The following NEB variants were observed in gnomAD, a reference collection of about 807,000 sequenced individuals.
NEB encodes nemaline myopathy type 2.
A neutral mutation model predicts 952.2 loss-of-function variants in NEB; 512 were observed. The observed-to-expected ratio is 0.54, with a 90% confidence interval of 0.50 to 0.58. The LOEUF is 0.58. Ranked by LOEUF, NEB falls within the 20% of genes least tolerant of loss-of-function variation. The probability of loss-of-function intolerance (pLI) is 0.00; values close to 1 mark genes in which losing one functional copy is unlikely to be tolerated. For missense variants in NEB, 8,428 were observed against 9,231.1 expected (o/e 0.91, Z 3.56); for synonymous variants, 2,900 against 3,149.8 (o/e 0.92, Z 2.66).
chr2:151,687,292 A>G lies in NEB; in HGVS notation c.2637+127T>C, dbSNP rs538650358. Reference sequence around the variant, plus strand: ...AGGGCATCATTCTGAAGTTCTCTACAGCAGTACTTTTGTGAATGTGATGTG... The same window carrying G: ...AGGGCATCATTCTGAAGTTCTCTACGGCAGTACTTTTGTGAATGTGATGTG... On this transcript the variant is annotated intron_variant, in intron 27 of 181. Transcript: ENST00000397345. 135 of 772,268 alleles carry G rather than the reference A, an allele frequency of 1.7e-4. No homozygotes were observed. In the African/African-American group the frequency reaches 1.9e-3, roughly 11 times the overall value. The allele number at this position is 772,268 out of a possible 1,614,324, so 47.8% of individuals were successfully genotyped here. A position where few individuals can be genotyped will look rare whatever the true frequency, so the allele number is the denominator to read the frequency against.
intron 134 of NEB, 77 bp downstream of exon 134, chr2:151,546,268 G>T: frequency 8.6e-7 from 1 of 1,157,672 alleles, no homozygotes; most frequent in Non-Finnish European, 1.3e-6. Context: ...GATCCCTTCT[G>T]CCTAGCCCTG....
chr2:151,619,988 A>G (rs1443481226), intron 72 of NEB, among the ~76,000 whole-genome samples: 1 of 152,178 alleles, frequency 6.6e-6, no homozygotes, highest in Non-Finnish European at 1.5e-5. Flanking sequence ...TTGGCAAAAA[A>G]TGATAAAAAG....
chr2:151,702,904 G>A (rs938960503), intron 13 of NEB, among the ~76,000 whole-genome samples: 1 of 151,702 alleles, frequency 6.6e-6, no homozygotes, highest in Non-Finnish European at 1.5e-5. Flanking sequence ...ATTTGATCCT[G>A]TCATTATGAT....
chr2:151,487,760 T>TAC (rs1157864202), intron 181 of NEB, among the ~76,000 whole-genome samples: 10 of 151,634 alleles, frequency 6.6e-5, no homozygotes, highest in Non-Finnish European at 4.4e-5. Flanking sequence ...ATTTTATACA[T>TAC]ACACACATAT....
rs1346330875 is a variant in NEB, at chr2:151,499,402, A to T, written c.24022-12T>A. The T allele has an allele frequency of 6.1e-6, 9 of 1,469,626 alleles. No individual in the cohort carries two copies. Among genetic ancestry groups the T allele is most frequent in the Non-Finnish European group, 8.4e-6 (9 of 1,074,992 alleles). The allele number at this position is 1,469,626 out of a possible 1,614,324, so 91.0% of individuals were successfully genotyped here. ...TCTTTATACAACACCTGTATGACACAAGAAAGCATCCAGAAAAAACAAGAG... is the reference window on the plus strand; with the variant it reads ...TCTTTATACAACACCTGTATGACACTAGAAAGCATCCAGAAAAAACAAGAG... On this transcript the variant is annotated splice_polypyrimidine_tract_variant and intron_variant, in intron 168 of 181. Transcript: ENST00000397345.
At chr2:151,487,335 TTAG>T (rs1298088253) in intron 181 of NEB, among the ~76,000 whole-genome samples, 1 of 152,202 alleles carries the variant, frequency 6.6e-6, no homozygotes, top group African/African-American at 2.4e-5. Flanking sequence ...CAGCCACTGG[TTAG>T]TAGTTTTGGA....
At chr2:151,665,665 C>T (rs2099206907) in intron 41 of NEB, 126 bp from the exon 42 acceptor site, 1 of 752,792 alleles carries the variant, frequency 1.3e-6, no homozygotes, top group Non-Finnish European at 2.0e-6. Flanking sequence ...CTGCTTTTTA[C>T]TCCCTACAGT....
chr2:151,727,785 T>C lies in NEB; in HGVS notation c.200A>G (p.Glu67Gly), dbSNP rs1463987093. 6.2e-7 allele frequency: 1 copy of C among 1,613,308 alleles called. No homozygotes were observed. Among genetic ancestry groups the C allele is most frequent in the African/African-American group, 1.3e-5 (1 of 74,900 alleles). The change falls in exon 5 of 182, where the codon GAG becomes GGG. Residue 67 changes from glutamate to glycine, a missense_variant. Glu to Gly is a moderately conservative substitution (Grantham distance 98, BLOSUM62 -2). Around this residue, in one of 11 missense-constraint regions of NEB, gnomAD observed 2,851 missense variants for 2,791.5 expected, o/e 1.02. Transcript: ENST00000397345. The stretch of plus-strand genomic sequence containing the variant: ...TTTCTTCCGGATGACCTTCCTCCTC[T>C]CCACCGGCTTTGCTGATGCTGGCTG... The part of the protein sequence containing the change: ...LAQPASAKPV[E>G]RRKVIRKKVD...
chr2:151,562,518 G>T, intron 120 of NEB, 93 bp downstream of exon 120: 1 of 1,252,738 alleles, frequency 8.0e-7, no homozygotes, highest in Non-Finnish European at 1.1e-6. Context: ...ATGAATACAG[G>T]GACAACGGGA....
At position 151,526,052 on chromosome 2, in the gene NEB, T is replaced by C. The variant is rs1447292730; in HGVS notation, c.22067A>G (p.His7356Arg). Residue 7356 changes from histidine (H) to arginine (R), a missense_variant, in exon 150 of 182, where the codon CAT (histidine) becomes CGT (arginine). Around this residue, in one of 11 missense-constraint regions of NEB, gnomAD observed 3,374 missense variants for 3,651.5 expected, o/e 0.92. Transcript: ENST00000397345. ...GCCCTGTGCCAAGTGCTTCTTGACA[T>C]GGTCCTTGTACTTGTTCTGGGGGAA... ...NLVSENKYKD[H>R]VKKHLAQGSY... 2.5e-6 allele frequency: 4 copies of C among 1,613,798 alleles called. No homozygotes were observed. Among genetic ancestry groups the C allele is most frequent in the East Asian group, 2.2e-5 (1 of 44,898 alleles).
In NEB at chr2:151,581,595, A is replaced by G. The variant is rs1474162201; in HGVS notation, c.16180-8T>C. The G allele has an allele frequency of 2.7e-5, 19 of 709,284 alleles. No individual in the cohort carries two copies. The Admixed American group carries it at 2.7e-4, about 10-fold the overall frequency. The allele number at this position is 709,284 out of a possible 1,614,324, so 43.9% of individuals were successfully genotyped here. On this transcript the variant is annotated splice_polypyrimidine_tract_variant and splice_region_variant and intron_variant, in intron 102 of 181. Coordinates refer to ENST00000397345, the MANE Select transcript of NEB (RefSeq NM_001164508.2). ...GGCATCGCGATACAATGGCTGGGAAAAATGAAAAACGATGGAATGGTCAAT... is the reference window on the plus strand; with the variant it reads ...GGCATCGCGATACAATGGCTGGGAAGAATGAAAAACGATGGAATGGTCAAT...
At chr2:151,624,018 G>C (rs945909667) in intron 71 of NEB, among the ~76,000 whole-genome samples, 1 of 152,062 alleles carries the variant, frequency 6.6e-6, no homozygotes, top group Non-Finnish European at 1.5e-5. Context: ...AATTTAAGAG[G>C]AAAAAAACAG....
chr2:151,505,949 T>A lies in NEB; in HGVS notation c.23649+217A>T. 7 of 587,254 alleles carry A rather than the reference T, an allele frequency of 1.2e-5. No homozygotes were observed. In the South Asian group the frequency reaches 1.3e-4, roughly 11 times the overall value. 36.4% of individuals were successfully genotyped at this position (587,254 alleles called of 1,614,324 possible). A position where few individuals can be genotyped will look rare whatever the true frequency, so the allele number is the denominator to read the frequency against. On this transcript the variant is annotated intron_variant, in intron 164 of 181. Coordinates refer to ENST00000397345, the MANE Select transcript of NEB (RefSeq NM_001164508.2). ...CGGATTCTACCTTCTCACAAGCCTC[T>A]CTGTTTTTCAGATCTAATCTCTCCC...
At position 151,490,086 on chromosome 2, in the gene NEB, AAG is replaced by A. The variant is rs1553519312; in HGVS notation, c.25298-11_25298-10del. ...TTTTGCATGTTTGTAAGCTGAAAAA[AAG>A]GGGGCAAATTCTTTATAAGAAGAAA... is the stretch of plus-strand genomic sequence containing the variant. On this transcript the variant is annotated splice_polypyrimidine_tract_variant and intron_variant, in intron 180 of 181. Transcript: ENST00000397345. The A allele has an allele frequency of 3.1e-6, 5 of 1,590,290 alleles. No homozygotes were observed. The highest frequency in any genetic ancestry group is 4.3e-6 in the Non-Finnish European group (5 of 1,163,858).
rs368489561 is a variant in NEB, at chr2:151,541,452, T to C, written c.20677A>G (p.Ser6893Gly). Residue 6893 changes from serine to glycine, a missense_variant, in exon 136 of 182, where the codon AGT (serine) becomes GGT (glycine). Physicochemically the swap from Ser to Gly is moderately conservative, Grantham distance 56. Around this residue, in one of 11 missense-constraint regions of NEB, gnomAD observed 3,374 missense variants for 3,651.5 expected, o/e 0.92. Transcript: ENST00000397345. ...LRAKRGQKLQ[S>G]QYLYVELATK... ...TTATGAACCTCTGAGCTTACCTGAC[T>C]CTGAAGCTTCTGCCCTCGCTTGGCT... 6.2e-7 allele frequency: 1 copy of C among 1,611,554 alleles called. No homozygotes were observed. The highest frequency in any genetic ancestry group is 8.5e-7 in the Non-Finnish European group (1 of 1,178,504).
In NEB at chr2:151,664,863, T is replaced by G. The variant is rs1272476034; in HGVS notation, c.5239A>C (p.Arg1747=). 6.2e-7 allele frequency: 1 copy of G among 1,602,112 alleles called. No homozygotes were observed. Among genetic ancestry groups the G allele is most frequent in the Admixed American group, 1.7e-5 (1 of 59,310 alleles). ...TTGTTCCATTTTTCAGTGTAGAGCC[T>G]CTGCAATGAGAAAGTCAGGTGCATG... ...NKSNKLNMDK[R]LYTEKWNKDK... is the part of the protein sequence containing the mutation. The change falls in exon 43 of 182, where the codon AGG becomes CGG. Residue 1747 remains arginine, a splice_region_variant and synonymous_variant. Transcript: ENST00000397345.
chr2:151,492,916 A>C, intron 176 of NEB: 1 of 181,036 alleles, frequency 5.5e-6, no homozygotes, highest in Non-Finnish European at 1.2e-5. Context: ...CTAATATAGA[A>C]ATCAAAGTCC....
At chr2:151,720,138 T>TA (rs568697998) in intron 9 of NEB, among the ~76,000 whole-genome samples, 6,188 of 145,808 alleles carry the variant, frequency 0.042, 359 homozygotes, top group African/African-American at 0.12. Context: ...TTTAAAAAAG[T>TA]AAAAAAAAAA....
rs1159138768 is a variant in NEB, at chr2:151,497,180, C to CTACTT, written c.24301-152_24301-148dup. 4.4e-5 allele frequency: 56 copies of CTACTT among 1,266,154 alleles called. No homozygotes were observed. The Middle Eastern group carries it at 7.5e-4, about 17-fold the overall frequency. 78.4% of individuals were successfully genotyped at this position (1,266,154 alleles called of 1,614,324 possible). On this transcript the variant is annotated intron_variant, in intron 171 of 181. Transcript: ENST00000397345. ...TTATATGCTGACAAAATGCCACCGA[C>CTACTT]TACTTTACTTTAGTGGAAGTTGTTG...
Sources: allele counts gnomAD v4.1 joint callset (sites outside exome capture counted in the v4.1 genomes callset), GRCh38; gene constraint gnomAD v4.1.1; regional missense constraint gnomAD v4.1.1; transcripts MANE v1.5; gene names NCBI Gene and HGNC (gene_info 2026-07-23, HGNC 2026-07-21).